MED12L: variants seen among roughly 807,000 people sequenced by gnomAD.
The protein encoded by MED12L is mediator complex subunit 12L.
Under a neutral mutation model 281.3 loss-of-function variants are expected in MED12L, and 60 were observed. That is an observed-to-expected ratio of 0.21 (90% confidence interval 0.17 to 0.26). The LOEUF (loss-of-function observed/expected upper bound fraction) is 0.26, where lower values mean the gene tolerates loss of function less well. MED12L is among the 10% of genes least tolerant of loss of function. MED12L has a pLI of 1.00. For synonymous variants in MED12L, 974 were observed against 987.2 expected, an observed-to-expected ratio of 0.99 and a Z score of 0.25; for missense variants, 2,146 against 2,680.9, an observed-to-expected ratio of 0.80 and a Z score of 4.41.
At chr3:151,368,689 TA>T (rs1755730517) in intron 25 of MED12L, among the ~76,000 whole-genome samples, 37 of 41,996 alleles carry the variant, frequency 8.8e-4, no homozygotes, top group African/African-American at 4.3e-3. Flanking sequence ...CATTTCATTT[TA>T]TTTCATTTCA....
At chr3:151,338,717 A>G (rs372442614) in intron 16 of MED12L, 20 of 1,613,602 alleles carry the variant, frequency 1.2e-5, no homozygotes, top group Non-Finnish European at 1.7e-5. Context: ...TCGCCAGGCC[A>G]TTTGTGATAA....
At chr3:151,176,864 TA>T (rs1722117340) in intron 11 of MED12L, among the ~76,000 whole-genome samples, 1 of 152,240 alleles carries the variant, frequency 6.6e-6, no homozygotes, top group South Asian at 2.1e-4. Context: ...AGTGCATCTG[TA>T]AACTTTCTCC....
chr3:151,288,011 C>A (rs974801119), intron 16 of MED12L, among the ~76,000 whole-genome samples: 2 of 152,140 alleles, frequency 1.3e-5, no homozygotes, highest in African/African-American at 4.8e-5. Context: ...TTGGTTGGTA[C>A]CTGCTGATAT....
intron 43 of MED12L, among the ~76,000 whole-genome samples, chr3:151,422,044 T>G (rs1046250801): frequency 3.9e-5 from 6 of 152,172 alleles, no homozygotes; most frequent in Non-Finnish European, 7.3e-5. Flanking sequence ...CAATAAATGC[T>G]TTTTTCTTAG....
At chr3:151,209,320 A>AT (rs1726810169) in intron 16 of MED12L, among the ~76,000 whole-genome samples, 1 of 152,200 alleles carries the variant, frequency 6.6e-6, no homozygotes. Context: ...CACATGTAAT[A>AT]TTTATCACAT....
intron 28 of MED12L, 125 bp downstream of exon 28, chr3:151,376,339 C>A: frequency 1.3e-6 from 1 of 765,818 alleles, no homozygotes; most frequent in Non-Finnish European, 1.9e-6. Flanking sequence ...TATTCCCACA[C>A]ATTTTCTGTG....
chr3:151,300,050 C>T, intron 16 of MED12L: 5 of 1,557,168 alleles, frequency 3.2e-6, no homozygotes, highest in Non-Finnish European at 4.4e-6. Flanking sequence ...TTCTTTGTAT[C>T]TCTTACGACG....
At chr3:151,234,784 A>T (rs1056537308) in intron 16 of MED12L, among the ~76,000 whole-genome samples, 2 of 152,170 alleles carry the variant, frequency 1.3e-5, no homozygotes, top group African/African-American at 4.8e-5. Context: ...GGCATAAGTG[A>T]TGCCCATATA....
intron 5 of MED12L, among the ~76,000 whole-genome samples, chr3:151,141,384 G>A (rs559359167): frequency 6.6e-6 from 1 of 152,134 alleles, no homozygotes; most frequent in East Asian, 1.9e-4. Context: ...TGAATAAGGA[G>A]TGATTTAGTT....
chr3:151,398,183 C>A (rs1481884084), intron 39 of MED12L, among the ~76,000 whole-genome samples: 1 of 152,220 alleles, frequency 6.6e-6, no homozygotes, highest in African/African-American at 2.4e-5. Context: ...TATCCACACA[C>A]CCTTCTCATA....
chr3:151,430,226 G>A (rs540976178), intron 43 of MED12L, 73 bp from the exon 44 acceptor site: 24 of 1,598,226 alleles, frequency 1.5e-5, no homozygotes, highest in South Asian at 1.4e-4. Context: ...CTGGCCCTGC[G>A]AGTTAGTCTC....
intron 16 of MED12L, among the ~76,000 whole-genome samples, chr3:151,263,671 T>G (rs1739305921): frequency 6.6e-6 from 1 of 152,174 alleles, no homozygotes; most frequent in African/African-American, 2.4e-5. Flanking sequence ...ATTTAACATG[T>G]TCAGTGAATA....
At chr3:151,114,813 A>G (rs886785281) in intron 2 of MED12L, among the ~76,000 whole-genome samples, 11 of 150,332 alleles carry the variant, frequency 7.3e-5, no homozygotes, top group African/African-American at 2.7e-4. Flanking sequence ...GTGACCTTGG[A>G]AAAGTATTCC....
intron 16 of MED12L, among the ~76,000 whole-genome samples, chr3:151,330,166 A>G (rs1244272879): frequency 6.6e-6 from 1 of 152,214 alleles, no homozygotes; most frequent in Non-Finnish European, 1.5e-5. Flanking sequence ...AATAGTATCT[A>G]ACACACTGTG....
At chr3:151,109,718 A>G (rs1208170246) in intron 2 of MED12L, among the ~76,000 whole-genome samples, 1 of 152,170 alleles carries the variant, frequency 6.6e-6, no homozygotes, top group Non-Finnish European at 1.5e-5. Flanking sequence ...GATGCTGTTA[A>G]TGTTAAACAT....
Position 151,086,610 on chromosome 3 carries a change from G to T in MED12L, c.-129-188G>T, listed in dbSNP as rs184630484. ...GCTCCTCCCCCTGGAGACAAGGTAG[G>T]GGGGAGCAGAGGAGGCAGGCGCCGC... On this transcript the variant is annotated intron_variant, in intron 1 of 44. Transcript: ENST00000687756. The T allele has an allele frequency of 2.3e-4, 57 of 244,916 alleles. 1 individual carries two copies. Among genetic ancestry groups the T allele is most frequent in the Non-Finnish European group, 1.4e-4 (18 of 127,668 alleles). The allele number at this position is 244,916 out of a possible 1,614,324, so 15.2% of individuals were successfully genotyped here. A position where few individuals can be genotyped will look rare whatever the true frequency, so the allele number is the denominator to read the frequency against.
At position 151,375,204 on chromosome 3, in the gene MED12L, T is replaced by C. The variant is rs1056872860; in HGVS notation, c.3865-822T>C. ...TGAGTTTGACTTAATTAGTCTGATG[T>C]GGGCCCTGGGCATGGAATTTTATAA... On this transcript the variant is annotated intron_variant, in intron 27 of 44. Coordinates refer to ENST00000687756, the MANE Select transcript of MED12L (RefSeq NM_001393769.1). Among the ~76,000 whole-genome samples the C allele has an allele frequency of 4.6e-5, 7 of 152,206 alleles. No individual in the cohort carries two copies. In the East Asian group the frequency reaches 1.2e-3, roughly 25 times the overall value.
intron 16 of MED12L, among the ~76,000 whole-genome samples, chr3:151,308,134 T>C (rs753156238): frequency 3.3e-5 from 5 of 152,196 alleles, no homozygotes; most frequent in Non-Finnish European, 5.9e-5. Context: ...GCAAGTATAC[T>C]TTGCTTAAAC....
At chr3:151,368,341 CCTT>C (rs1755541047) in intron 25 of MED12L, 90 bp downstream of exon 25, 17 of 1,158,110 alleles carry the variant, frequency 1.5e-5, no homozygotes, top group Non-Finnish European at 1.9e-5. Flanking sequence ...TCTGTAATTG[CCTT>C]CTTAATTTTT....
Sources: allele counts gnomAD v4.1 joint callset (sites outside exome capture counted in the v4.1 genomes callset), GRCh38; gene constraint gnomAD v4.1.1; transcripts MANE v1.5; gene names NCBI Gene and HGNC (gene_info 2026-07-23, HGNC 2026-07-21).